FAM227B: variants seen among roughly 807,000 people sequenced by gnomAD.
FAM227B encodes the protein protein FAM227B.
In FAM227B, 88 loss-of-function variants were observed where a neutral mutation model predicts 73.8. The ratio of observed to expected loss-of-function variants is 1.19; its 90% CI spans 1.00 to 1.42. The LOEUF (loss-of-function observed/expected upper bound fraction) is 1.42, where lower values mean the gene tolerates loss of function less well. Among genes scored for constraint, FAM227B ranks in the 40% most tolerant of loss-of-function variants. The pLI is 0.00. For missense variants in FAM227B, 632 were observed against 590.9 expected (o/e 1.07, Z -0.72); for synonymous variants, 210 against 190.5 (o/e 1.10, Z -0.84).
At chr15:49,416,426 G>A (rs73398272) in intron 11 of FAM227B, among the ~76,000 whole-genome samples, 25,972 of 151,960 alleles carry the variant, frequency 0.17, 2,472 homozygotes, top group Non-Finnish European at 0.21. Flanking sequence ...GGACATCTCT[G>A]AGAATGTAGT....
At chr15:49,378,144 C>T (rs2046291175) in intron 11 of FAM227B, among the ~76,000 whole-genome samples, 1 of 151,966 alleles carries the variant, frequency 6.6e-6, no homozygotes, top group Non-Finnish European at 1.5e-5. Flanking sequence ...GTTCTTGGCA[C>T]TTTTGTTAAA....
Position 49,359,410 on chromosome 15 carries a change from C to T in FAM227B, c.1271+8038G>A, listed in dbSNP as rs1476796360. ...TTTACAAGAAAAAAACAAACAACCC[C>T]ATCAAATAGTGGGCGAAGGACATGA... On this transcript the variant is annotated intron_variant, in intron 13 of 15. Transcript: ENST00000299338. Among the ~76,000 whole-genome samples the T allele has an allele frequency of 5.9e-5, 7 of 119,456 alleles. 1 individual carries two copies. The highest frequency in any genetic ancestry group is 2.3e-4 in the African/African-American group (7 of 31,058). 78.4% of individuals were successfully genotyped at this position (119,456 alleles called of 152,430 possible).
intron 10 of FAM227B, among the ~76,000 whole-genome samples, chr15:49,512,776 G>A (rs1442274374): frequency 1.3e-5 from 2 of 151,852 alleles, no homozygotes; most frequent in Admixed American, 1.3e-4. Context: ...GACAGGCCCT[G>A]GTGTGTGTTT....
rs1424669773 is a variant in FAM227B at position 49,359,428 on chromosome 15, G to A, written c.1271+8020C>T. ...ACAACCCCATCAAATAGTGGGCGAA[G>A]GACATGAACAGACACTTCTCAAAAG... On this transcript the variant is annotated intron_variant, in intron 13 of 15. Coordinates refer to ENST00000299338, the MANE Select transcript of FAM227B (RefSeq NM_152647.3). Among the ~76,000 whole-genome samples the A allele has an allele frequency of 2.5e-5, 3 of 119,334 alleles. 1 individual carries two copies. Among genetic ancestry groups the A allele is most frequent in the Non-Finnish European group, 5.5e-5 (3 of 54,406 alleles). 78.3% of individuals were successfully genotyped at this position (119,334 alleles called of 152,430 possible). A position where few individuals can be genotyped will look rare whatever the true frequency, so the allele number is the denominator to read the frequency against.
intron 11 of FAM227B, among the ~76,000 whole-genome samples, chr15:49,440,077 C>T (rs1765428957): frequency 6.6e-6 from 1 of 151,756 alleles, no homozygotes; most frequent in South Asian, 2.1e-4. Flanking sequence ...GATGAGGGAA[C>T]TGAGTCACGA....
intron 2 of FAM227B, 169 bp downstream of exon 2, chr15:49,614,950 GGC>G: frequency 1.5e-6 from 1 of 660,402 alleles, no homozygotes; most frequent in Non-Finnish European, 2.7e-6. Context: ...TTTCTTCCTT[GGC>G]AATACTCATC....
chr15:49,532,775 A>C (rs957624576), intron 10 of FAM227B, among the ~76,000 whole-genome samples: 1 of 151,980 alleles, frequency 6.6e-6, no homozygotes, highest in Non-Finnish European at 1.5e-5. Context: ...GATTTTTCTA[A>C]GATCATAGAG....
chr15:49,571,644 C>A (rs2152362807), intron 8 of FAM227B, among the ~76,000 whole-genome samples: 1 of 151,980 alleles, frequency 6.6e-6, no homozygotes, highest in East Asian at 1.9e-4. Context: ...TTGTTGAAAA[C>A]CAATTAGTTG....
chr15:49,503,920 T>G (rs1010213138), intron 11 of FAM227B, among the ~76,000 whole-genome samples: 4 of 152,224 alleles, frequency 2.6e-5, no homozygotes, highest in South Asian at 4.1e-4. Flanking sequence ...GCCATCCCAT[T>G]ACTGGGTATA....
At chr15:49,583,654 C>CAAAA (rs200243389) in intron 5 of FAM227B, among the ~76,000 whole-genome samples, 1 of 103,618 alleles carries the variant, frequency 9.7e-6, no homozygotes. Flanking sequence ...TTTCACTTGG[C>CAAAA]AAAAAAAAAA....
chr15:49,398,325 C>T (rs1367727372), intron 11 of FAM227B, among the ~76,000 whole-genome samples: 4 of 147,872 alleles, frequency 2.7e-5, no homozygotes, highest in Admixed American at 1.3e-4. Context: ...GCACCCAATA[C>T]AGGAGCACCA....
Position 49,541,669 on chromosome 15 carries a change from T to C in FAM227B, c.874+11A>G, listed in dbSNP as rs773762391. The C allele has an allele frequency of 3.5e-6, 5 of 1,438,002 alleles. No individual in the cohort carries two copies. In the East Asian group the frequency reaches 1.0e-4, roughly 30 times the overall value. The allele number at this position is 1,438,002 out of a possible 1,614,324, so 89.1% of individuals were successfully genotyped here. On this transcript the variant is annotated intron_variant, in intron 10 of 15. Transcript: ENST00000299338. ...AAAACAATGATTAATATTTAAATGA[T>C]ATATTCATACCTGAACACCAAAGAA...
At chr15:49,610,269 C>T (rs1489990621) in intron 3 of FAM227B, among the ~76,000 whole-genome samples, 1 of 151,752 alleles carries the variant, frequency 6.6e-6, no homozygotes, top group Admixed American at 6.6e-5. Flanking sequence ...TAGGCTGCAG[C>T]ACATTTGCAT....
At chr15:49,564,990 T>C (rs2074532682) in intron 9 of FAM227B, among the ~76,000 whole-genome samples, 1 of 152,080 alleles carries the variant, frequency 6.6e-6, no homozygotes, top group Non-Finnish European at 1.5e-5. Context: ...TTTTTGTAAA[T>C]GATGCATATG....
chr15:49,467,840 G>C (rs2054402259), intron 11 of FAM227B, among the ~76,000 whole-genome samples: 1 of 152,112 alleles, frequency 6.6e-6, no homozygotes, highest in African/African-American at 2.4e-5. Flanking sequence ...GCATTCCTGA[G>C]AGGCCATAAA....
chr15:49,587,949 A>T (rs1216794380), intron 5 of FAM227B, 67 bp downstream of exon 5: 1 of 1,296,168 alleles, frequency 7.7e-7, no homozygotes, highest in African/African-American at 1.5e-5. Flanking sequence ...TCATCTGTGG[A>T]AATGTAGTGT....
intron 10 of FAM227B, among the ~76,000 whole-genome samples, chr15:49,533,005 C>T (rs896131876): frequency 2.0e-5 from 3 of 151,840 alleles, no homozygotes; most frequent in Non-Finnish European, 2.9e-5. Flanking sequence ...TTGTGGTGCA[C>T]ATTTTTGTGT....
rs2078209548 is a variant in FAM227B at position 49,615,149 on chromosome 15, T to C, written c.23A>G (p.Gln8Arg). 6.2e-7 allele frequency: 1 copy of C among 1,614,124 alleles called. No homozygotes were observed. The highest frequency in any genetic ancestry group is 8.5e-7 in the Non-Finnish European group (1 of 1,179,986). The change falls in exon 2 of 16, where the codon CAA becomes CGA. Residue 8 changes from glutamine to arginine, a missense_variant. Transcript: ENST00000299338. ...GGGGCCAGCTCTGCTGCTCCTCCTT[T>C]GACATGTTCGTTGGCCTGCCATGGT... MAGQRTC[Q>R]RRSSRAGPGK...
intron 11 of FAM227B, among the ~76,000 whole-genome samples, chr15:49,390,175 A>C (rs2047123952): frequency 6.6e-6 from 1 of 151,982 alleles, no homozygotes; most frequent in African/African-American, 2.4e-5. Context: ...AGCTTTAAGA[A>C]CCACTATACG....
Sources: gnomAD v4.1 joint callset for allele counts (sites outside exome capture counted in the v4.1 genomes callset) on GRCh38, gnomAD v4.1.1 for gene constraint, MANE v1.5 for transcripts, NCBI Gene and HGNC (gene_info 2026-07-23, HGNC 2026-07-21) for gene names.